Variants in COL27A1 observed in about 807,000 individuals in gnomAD.
COL27A1 encodes collagen alpha-1(XXVII) chain.
Under a neutral mutation model 251.3 loss-of-function variants are expected in COL27A1, and 106 were observed. The ratio of observed to expected loss-of-function variants is 0.42; its 90% confidence interval spans 0.36 to 0.50. The LOEUF (loss-of-function observed/expected upper bound fraction) is 0.50, where lower values mean the gene tolerates loss of function less well. Among genes scored for constraint, COL27A1 ranks in the 20% least tolerant of loss-of-function variants. The pLI is 0.00. For synonymous variants in COL27A1, 1,000 were observed against 986.3 expected, an observed-to-expected ratio of 1.01 and a Z score of -0.26; for missense variants, 2,325 against 2,522.8, an observed-to-expected ratio of 0.92 and a Z score of 1.68.
At chr9:114,184,673 A>G (rs1285071754) in intron 5 of COL27A1, among the ~76,000 whole-genome samples, 1 of 152,198 alleles carries the variant, frequency 6.6e-6, no homozygotes, top group South Asian at 2.1e-4. Flanking sequence ...GGCACTGTTC[A>G]TGCGTTTGAT....
chr9:114,274,485 GC>G (rs1481097746), intron 36 of COL27A1, among the ~76,000 whole-genome samples: 1 of 152,164 alleles, frequency 6.6e-6, no homozygotes, highest in Non-Finnish European at 1.5e-5. Context: ...GCCTTAGAAA[GC>G]TTTTGTGGGG....
intron 38 of COL27A1, 49 bp downstream of exon 38, chr9:114,282,379 C>A: frequency 1.2e-6 from 2 of 1,610,878 alleles, no homozygotes; most frequent in Non-Finnish European, 1.7e-6. Context: ...CCCCCGCATC[C>A]CTTCCCCACA....
intron 55 of COL27A1, 101 bp downstream of exon 55, chr9:114,301,818 C>G: frequency 5.1e-6 from 6 of 1,184,144 alleles, no homozygotes; most frequent in South Asian, 1.4e-5. Context: ...CTGAACCCCA[C>G]AGGGGTTCTT....
chr9:114,182,075 A>G (rs1336621384), intron 4 of COL27A1, among the ~76,000 whole-genome samples: 1 of 152,050 alleles, frequency 6.6e-6, no homozygotes, highest in Non-Finnish European at 1.5e-5. Flanking sequence ...GCCGTGGCTC[A>G]CGCCTGTAAT....
At chr9:114,237,613 A>G (rs1020492310) in intron 18 of COL27A1, 49 bp from the exon 19 acceptor site, 1 of 1,494,794 alleles carries the variant, frequency 6.7e-7, no homozygotes, top group Non-Finnish European at 9.3e-7. Flanking sequence ...GGGTTCATGG[A>G]AGGTGGGGTC....
chr9:114,275,860 C>T (rs1028078429), intron 37 of COL27A1, 92 bp downstream of exon 37: 31 of 775,398 alleles, frequency 4.0e-5, no homozygotes, highest in Admixed American at 1.4e-4. Context: ...GGCTTTTGGT[C>T]GTGCCACTGA....
intron 2 of COL27A1, among the ~76,000 whole-genome samples, chr9:114,163,518 G>A (rs552491979): frequency 6.6e-6 from 1 of 152,368 alleles, no homozygotes; most frequent in East Asian, 1.9e-4. Context: ...CTGTCCAGGG[G>A]GCCGGGGCAG....
Position 114,284,789 on chromosome 9 carries a change from C to A in COL27A1, c.3987+12C>A. The A allele has an allele frequency of 6.2e-7, 1 of 1,614,072 alleles. No homozygotes were observed. Among genetic ancestry groups the A allele is most frequent in the East Asian group, 2.2e-5 (1 of 44,886 alleles). ...CAAAAGGCGAAAAGGTGGGTGTTTG[C>A]TCTGGGGAAAGCAGCTGCACCCTCG... is the stretch of plus-strand genomic sequence containing the variant. On this transcript the variant is annotated intron_variant, in intron 41 of 60. Coordinates refer to ENST00000356083, the MANE Select transcript of COL27A1 (RefSeq NM_032888.4).
In COL27A1 at chr9:114,169,369, C is replaced by T. The variant is rs372013019; in HGVS notation, c.1814C>T (p.Thr605Met). 168 of 1,611,420 alleles carry T rather than the reference C, an allele frequency of 1.0e-4. No individual in the cohort carries two copies. The highest frequency in any genetic ancestry group is 4.9e-4 in the Middle Eastern group (3 of 6,070). The change falls in exon 3 of 61, where the codon ACG becomes ATG. Residue 605 changes from threonine to methionine, a missense_variant. Physicochemically the swap from Thr to Met is moderately conservative, Grantham distance 81. Around this residue, in one of 4 missense-constraint regions of COL27A1, gnomAD observed 1,183 missense variants for 1,144.1 expected, o/e 1.03. Transcript: ENST00000356083. ...TTCCTGTCCTCCAGCCCCCGGCCCA[C>T]GAGCAGTGGCTATTCGATCTTCCAC... ...AQFLSSSPRP[T>M]SSGYSIFHLA... is the part of the protein sequence containing the mutation.
At chr9:114,157,132 C>T (rs1343936134) in intron 1 of COL27A1, among the ~76,000 whole-genome samples, 2 of 150,598 alleles carry the variant, frequency 1.3e-5, no homozygotes, top group Non-Finnish European at 2.9e-5. Flanking sequence ...AGTGAGCACA[C>T]TGCTGACTCA....
intron 1 of COL27A1, among the ~76,000 whole-genome samples, chr9:114,158,490 T>G (rs995138955): frequency 3.9e-5 from 6 of 152,228 alleles, no homozygotes; most frequent in South Asian, 4.1e-4. Flanking sequence ...TTCCATGTGA[T>G]GTTTCCTCGC....
At chr9:114,221,134 T>TG (rs1307383817) in intron 13 of COL27A1, among the ~76,000 whole-genome samples, 1 of 152,136 alleles carries the variant, frequency 6.6e-6, no homozygotes, top group Non-Finnish European at 1.5e-5. Context: ...GAGGAGTTCA[T>TG]GGGCCATTGC....
intron 3 of COL27A1, among the ~76,000 whole-genome samples, chr9:114,170,805 C>T (rs1849259308): frequency 6.6e-6 from 1 of 152,258 alleles, no homozygotes. Context: ...CCTCTCCAGC[C>T]AACCCAGGCC....
intron 23 of COL27A1, among the ~76,000 whole-genome samples, chr9:114,243,925 A>T (rs4336674): frequency 0.28 from 21,943 of 78,536 alleles, 2,518 homozygotes; most frequent in African/African-American, 0.51. Context: ...TTTTTCTTTC[A>T]TTTTTTTTTT....
intron 7 of COL27A1, among the ~76,000 whole-genome samples, chr9:114,197,832 C>A (rs143105306): frequency 6.6e-6 from 1 of 152,220 alleles, no homozygotes; most frequent in African/African-American, 2.4e-5. Context: ...AGAAGAGTTT[C>A]GTCTGTGGCA....
At chr9:114,307,988 A>T (rs567635462) in intron 59 of COL27A1, among the ~76,000 whole-genome samples, 1 of 152,370 alleles carries the variant, frequency 6.6e-6, no homozygotes, top group South Asian at 2.1e-4. Flanking sequence ...CTTTCGAGTC[A>T]TATGATGCTG....
At chr9:114,301,749 C>A in intron 55 of COL27A1, 32 bp downstream of exon 55, 2 of 1,605,444 alleles carry the variant, frequency 1.2e-6, no homozygotes, top group African/African-American at 1.3e-5. Context: ...GCATCTTGGA[C>A]TCCTGGGGGG....
In COL27A1 at chr9:114,255,811, A is replaced by G. The variant is rs17802728; in HGVS notation, c.3142-2730A>G. 8.1e-3 allele frequency among the ~76,000 whole-genome samples: 1,234 copies of G among 152,320 alleles called. 21 individuals carry two copies. The highest frequency in any genetic ancestry group is 0.02 in the Middle Eastern group (6 of 294). ...GGGAAGCCGGCTAGCTCGGAGGCCC[A>G]GAAAACCACCTTCAGAATCAGATAC... On this transcript the variant is annotated intron_variant, in intron 27 of 60. Coordinates refer to ENST00000356083, the MANE Select transcript of COL27A1 (RefSeq NM_032888.4).
intron 40 of COL27A1, among the ~76,000 whole-genome samples, chr9:114,283,972 G>A (rs1244634713): frequency 6.6e-6 from 1 of 152,240 alleles, no homozygotes; most frequent in African/African-American, 2.4e-5. Flanking sequence ...GGTTGGGGCT[G>A]CCAGAGCGAA....
Sources: gnomAD v4.1 joint callset for allele counts (sites outside exome capture counted in the v4.1 genomes callset) on GRCh38, gnomAD v4.1.1 for gene constraint, gnomAD v4.1.1 regional missense constraint, MANE v1.5 for transcripts, NCBI Gene and HGNC (gene_info 2026-07-23, HGNC 2026-07-21) for gene names.